MGAT5: variants seen among roughly 807,000 people sequenced by gnomAD.
The protein encoded by MGAT5 is alpha-1,6-mannosylglycoprotein 6-beta-N-acetylglucosaminyltransferase A.
MGAT5 carries 30 observed loss-of-function variants against 94.3 expected under a neutral mutation model. That is an observed-to-expected ratio of 0.32 (90% CI 0.24 to 0.43). The LOEUF is 0.43. Among genes scored for constraint, MGAT5 ranks in the 20% least tolerant of loss-of-function variants. The probability of loss-of-function intolerance (pLI) is 1.00; values close to 1 mark genes in which losing one functional copy is unlikely to be tolerated. For missense variants in MGAT5, 691 were observed against 905.5 expected (o/e 0.76, Z 3.04); for synonymous variants, 310 against 322.9 (o/e 0.96, Z 0.43).
chr2:134,366,999 C>T (rs1680473445), intron 10 of MGAT5, among the ~76,000 whole-genome samples: 1 of 152,192 alleles, frequency 6.6e-6, no homozygotes, highest in Non-Finnish European at 1.5e-5. Context: ...GCCCCAAGAG[C>T]CAGGTAAAGC....
At chr2:134,272,761 C>T (rs1419381304) in intron 2 of MGAT5, among the ~76,000 whole-genome samples, 2 of 152,190 alleles carry the variant, frequency 1.3e-5, no homozygotes, top group African/African-American at 4.8e-5. Context: ...CTGGAGTCCC[C>T]TGAGCTCAGC....
chr2:134,321,361 G>T (rs1452378514), intron 4 of MGAT5, among the ~76,000 whole-genome samples: 1 of 152,168 alleles, frequency 6.6e-6, no homozygotes, highest in Non-Finnish European at 1.5e-5. Context: ...GGGGTATGCT[G>T]CTGAGGCAGA....
chr2:134,300,148 T>TTTA lies in MGAT5; in HGVS notation c.407-17377_407-17375dup, dbSNP rs558892357. ...AAGCAACCATTCTCTGACCCTTGGG[T>TTTA]TTATTAGCACTGCATGATGCTGGAA... On this transcript the variant is annotated intron_variant, in intron 2 of 15. Coordinates refer to ENST00000281923, the MANE Select transcript of MGAT5 (RefSeq NM_002410.5). Among the ~76,000 whole-genome samples the TTTA allele has an allele frequency of 3.4e-4, 52 of 152,284 alleles. 1 individual carries two copies. In the South Asian group the frequency reaches 0.011, roughly 32 times the overall value.
chr2:134,391,459 A>G (rs2106251389), intron 10 of MGAT5, among the ~76,000 whole-genome samples: 1 of 152,340 alleles, frequency 6.6e-6, no homozygotes, highest in South Asian at 2.1e-4. Context: ...CTGGAGGCTG[A>G]AAGTCTGAGA....
intron 4 of MGAT5, among the ~76,000 whole-genome samples, chr2:134,332,318 A>C (rs1688025447): frequency 2.6e-5 from 4 of 152,128 alleles, no homozygotes; most frequent in Admixed American, 2.0e-4. Flanking sequence ...GACAAACCTG[A>C]GAAAAACAAG....
chr2:134,252,433 A>C (rs1017920817), upstream of MGAT5, among the ~76,000 whole-genome samples: 1 of 152,202 alleles, frequency 6.6e-6, no homozygotes, highest in Admixed American at 6.5e-5. Flanking sequence ...GTGGGTGTTG[A>C]ATAGTGATGG....
In MGAT5 at chr2:134,268,420, C is replaced by T. The variant is rs889774404; in HGVS notation, c.242-1966C>T. Among the ~76,000 whole-genome samples, 1 of 152,192 alleles carries T rather than the reference C, an allele frequency of 6.6e-6. No individual in the cohort carries two copies. The highest frequency in any genetic ancestry group is 2.4e-5 in the African/African-American group (1 of 41,436). On this transcript the variant is annotated intron_variant, in intron 1 of 15. Transcript: ENST00000281923. This position sits in a 1 kb window ranked among gnomAD's most constrained non-coding sequence, Gnocchi z 4.1. ...CCCCTTCTGTGTGACTGGCCTCTGG[C>T]ACTCTTCAGAACTCTGGAGAGCCAG...
chr2:134,426,637 C>T (rs1418961554), intron 13 of MGAT5, among the ~76,000 whole-genome samples: 2 of 152,122 alleles, frequency 1.3e-5, no homozygotes, highest in South Asian at 2.1e-4. Flanking sequence ...TTCTATGAAT[C>T]TTTGAGAGGA....
intron 2 of MGAT5, among the ~76,000 whole-genome samples, chr2:134,293,721 C>A (rs62167969): frequency 0.14 from 20,814 of 152,188 alleles, 1,577 homozygotes; most frequent in Middle Eastern, 0.34. Context: ...CTACCTGTCT[C>A]GGCCTCCGAA....
At chr2:134,446,639 G>C (rs929376908) in intron 15 of MGAT5, among the ~76,000 whole-genome samples, 1 of 152,114 alleles carries the variant, frequency 6.6e-6, no homozygotes, top group Admixed American at 6.6e-5. Flanking sequence ...CTCCCTTCAT[G>C]ATTCATGACC....
At chr2:134,290,809 T>TA (rs60343752) in intron 2 of MGAT5, among the ~76,000 whole-genome samples, 132,979 of 151,928 alleles carry the variant, frequency 0.88, 59,915 homozygotes, top group Non-Finnish European at 0.99. Flanking sequence ...AGTTGTGGTT[T>TA]AAAAAAAATT....
intron 12 of MGAT5, among the ~76,000 whole-genome samples, chr2:134,414,870 A>T (rs967372833): frequency 6.6e-6 from 1 of 152,180 alleles, no homozygotes; most frequent in African/African-American, 2.4e-5. Context: ...TGCATGTGGG[A>T]TCATGCAGAA....
chr2:134,216,607 C>A (rs1038116217), intron 1 of MGAT5, among the ~76,000 whole-genome samples: 1 of 152,228 alleles, frequency 6.6e-6, no homozygotes, highest in Non-Finnish European at 1.5e-5. Flanking sequence ...ACTAAAGAAA[C>A]CCAGGTTGCC....
Position 134,379,719 on chromosome 2 carries a change from C to T in MGAT5, c.1380+17311C>T, listed in dbSNP as rs143818521. 7.9e-5 allele frequency among the ~76,000 whole-genome samples: 12 copies of T among 152,280 alleles called. No individual in the cohort carries two copies. The East Asian group carries it at 2.3e-3, about 29-fold the overall frequency. On this transcript the variant is annotated intron_variant, in intron 10 of 15. Transcript: ENST00000281923. The stretch of plus-strand genomic sequence containing the variant: ...TAGCTAGGCCTAGCCTCAGGAGGTA[C>T]AAAATACATATTTCAAGAGAATAAA...
At position 134,420,864 on chromosome 2, in the gene MGAT5, A is replaced by T. The variant is rs528768891; in HGVS notation, c.1678-1939A>T. ...AAAAGAATTTCTAATAAAGCAATAC[A>T]TATTTCAGTATTATGGAATCAAGAA... On this transcript the variant is annotated intron_variant, in intron 12 of 15. Transcript: ENST00000281923. 2.0e-5 allele frequency among the ~76,000 whole-genome samples: 3 copies of T among 152,382 alleles called. No homozygotes were observed. The South Asian group carries it at 6.2e-4, about 32-fold the overall frequency.
intron 1 of MGAT5, among the ~76,000 whole-genome samples, chr2:134,231,964 T>C (rs532842491): frequency 1.8e-4 from 27 of 152,314 alleles, no homozygotes; most frequent in African/African-American, 6.3e-4. Context: ...TATTGCTCTG[T>C]GGAAGCTTCA....
At chr2:134,214,091 C>T (rs1212807233) in intron 1 of MGAT5, among the ~76,000 whole-genome samples, 1 of 152,138 alleles carries the variant, frequency 6.6e-6, no homozygotes, top group Non-Finnish European at 1.5e-5. Context: ...TTCTCCCCAC[C>T]CCACCCTATA....
chr2:134,201,782 T>C (rs1202910412), intron 1 of MGAT5, among the ~76,000 whole-genome samples: 1 of 148,840 alleles, frequency 6.7e-6, no homozygotes, highest in Non-Finnish European at 1.5e-5. Flanking sequence ...TCTGACATGC[T>C]GCTCAGAAGG....
chr2:134,415,000 G>A (rs1240651742), intron 12 of MGAT5, among the ~76,000 whole-genome samples: 3 of 152,090 alleles, frequency 2.0e-5, no homozygotes, highest in Admixed American at 1.3e-4. Context: ...CACATAATTT[G>A]TTTATCTATT....
Sources: gnomAD v4.1 joint callset for allele counts (sites outside exome capture counted in the v4.1 genomes callset) on GRCh38, gnomAD v4.1.1 for gene constraint, Gnocchi (gnomAD v3.1) non-coding constraint, MANE v1.5 for transcripts, NCBI Gene and HGNC (gene_info 2026-07-23, HGNC 2026-07-21) for gene names.